TPM1: variants seen among roughly 807,000 people sequenced by gnomAD.
TPM1 encodes the protein tropomyosin 1.
In TPM1, 24 loss-of-function variants were observed where a neutral mutation model predicts 42.9. That is an observed-to-expected ratio of 0.56 (90% confidence interval 0.41 to 0.79). TPM1 has a LOEUF of 0.79. Ranked by LOEUF, TPM1 falls within the 30% of genes least tolerant of loss-of-function variation. TPM1 has a pLI of 0.00. For synonymous variants in TPM1, 136 were observed against 130.1 expected (o/e 1.05, Z -0.31); for missense variants, 158 against 351.8 (o/e 0.45, Z 4.41).
At chr15:63,061,950 A>G (rs2035695678) in intron 6 of TPM1, 162 bp downstream of exon 6, 1 of 713,962 alleles carries the variant, frequency 1.4e-6, no homozygotes, top group Non-Finnish European at 2.4e-6. Context: ...TTTTAACTAG[A>G]GAATTTATTT....
At chr15:63,057,485 T>A (rs1218202331) in intron 3 of TPM1, among the ~76,000 whole-genome samples, 1 of 152,172 alleles carries the variant, frequency 6.6e-6, no homozygotes, top group Non-Finnish European at 1.5e-5. Context: ...TGTAACTTTA[T>A]TTTATAATAT....
At chr15:63,063,797 A>C (rs1388745777) in intron 8 of TPM1, 1 of 472,820 alleles carries the variant, frequency 2.1e-6, no homozygotes, top group Admixed American at 3.7e-5. Flanking sequence ...GTTTACTGAT[A>C]TACCTACCAT....
chr15:63,067,195 G>T (rs1340625060), downstream of TPM1, among the ~76,000 whole-genome samples: 1 of 151,978 alleles, frequency 6.6e-6, no homozygotes, highest in Non-Finnish European at 1.5e-5. Flanking sequence ...AATAAATTTG[G>T]ACAAACTCAG....
At chr15:63,050,509 C>T (rs1383660632) in intron 2 of TPM1, among the ~76,000 whole-genome samples, 2 of 152,328 alleles carry the variant, frequency 1.3e-5, no homozygotes, top group East Asian at 3.9e-4. Flanking sequence ...CACATTATTA[C>T]TTTTATTCTT....
At position 63,064,133 on chromosome 15, in the gene TPM1, T is replaced by C. The variant is rs199476321; in HGVS notation, c.842T>C (p.Met281Thr). The change falls in exon 9 of 10, where the codon ATG (methionine) becomes ACG (threonine). Residue 281 changes from methionine to threonine, a missense_variant. Met to Thr is a moderately conservative substitution (Grantham distance 81). Around this residue, in one of 4 missense-constraint regions of TPM1, gnomAD observed 64 missense variants for 95.8 expected, o/e 0.67. Transcript: ENST00000403994. ...SEELDHALNDMTSI is the reference protein window; with the variant it reads ...SEELDHALNDTTSI ...GAGCTGGACCACGCTCTCAACGATA[T>C]GACTTCCATGTAAACGTTCATCCAC... 1.9e-6 allele frequency: 3 copies of C among 1,613,870 alleles called. No homozygotes were observed. The highest frequency in any genetic ancestry group is 2.7e-5 in the African/African-American group (2 of 74,942).
intron 2 of TPM1, chr15:63,048,417 C>G: frequency 7.4e-7 from 1 of 1,353,956 alleles, no homozygotes; most frequent in African/African-American, 1.6e-5. Flanking sequence ...CTGCGACTTC[C>G]GGACTGCTCC....
At chr15:63,063,944 C>A (rs1161903908) in intron 8 of TPM1, 120 bp from the exon 9 acceptor site, 3 of 1,447,096 alleles carry the variant, frequency 2.1e-6, no homozygotes, top group African/African-American at 1.4e-5. Context: ...CCAACCCCTT[C>A]ATGCATTGCC....
intron 2 of TPM1, among the ~76,000 whole-genome samples, chr15:63,055,518 A>C (rs1341461888): frequency 6.6e-6 from 1 of 152,176 alleles, no homozygotes; most frequent in East Asian, 1.9e-4. Context: ...CGTTGCTTTT[A>C]TTAAAATTAG....
At chr15:63,051,698 GTTCA>G (rs1399326090) in intron 2 of TPM1, among the ~76,000 whole-genome samples, 1 of 152,138 alleles carries the variant, frequency 6.6e-6, no homozygotes, top group Non-Finnish European at 1.5e-5. Flanking sequence ...TTCCACTCCA[GTTCA>G]GTCAGGACTT....
At position 63,066,068 on chromosome 15, in the gene TPM1, G is replaced by C; in HGVS notation, c.*169G>C. Reference sequence around the variant, plus strand: ...TATTGTACAGAAGCTCTTCGTTTCAGTGTCAAATAAACACTGTGTAAGCTA... The same window carrying C: ...TATTGTACAGAAGCTCTTCGTTTCACTGTCAAATAAACACTGTGTAAGCTA... On this transcript the variant is annotated 3_prime_UTR_variant, in exon 10 of 10. Transcript: ENST00000403994. 1 of 1,535,474 alleles carries C rather than the reference G, an allele frequency of 6.5e-7. No homozygotes were observed. The highest frequency in any genetic ancestry group is 8.7e-7 in the Non-Finnish European group (1 of 1,145,392).
Position 63,051,925 on chromosome 15 carries a change from G to A in TPM1, c.241-5060G>A, listed in dbSNP as rs1282543324. On this transcript the variant is annotated intron_variant, in intron 2 of 9. Coordinates refer to ENST00000403994, the MANE Select transcript of TPM1 (RefSeq NM_001018005.2). ...TTTTTTTTTTTCAAATCTGATTTGG[G>A]ATAATATTATACTATGGTGGGGTGG... 2.1e-5 allele frequency among the ~76,000 whole-genome samples: 3 copies of A among 143,740 alleles called. 1 individual carries two copies. The South Asian group carries it at 6.5e-4, about 31-fold the overall frequency. 94.3% of individuals were successfully genotyped at this position (143,740 alleles called of 152,430 possible). A position where few individuals can be genotyped will look rare whatever the true frequency, so the allele number is the denominator to read the frequency against.
chr15:63,064,055 T>G lies in TPM1; in HGVS notation c.773-9T>G, dbSNP rs1252170818. On this transcript the variant is annotated splice_polypyrimidine_tract_variant and intron_variant, in intron 8 of 9. Coordinates refer to ENST00000403994, the MANE Select transcript of TPM1 (RefSeq NM_001018005.2). The stretch of plus-strand genomic sequence containing the variant: ...TCTTGCACCTCTGCCTTCCACTTCC[T>G]GGTCATAGACGAGCTGTACGCTCAG... 1 of 1,613,800 alleles carries G rather than the reference T, an allele frequency of 6.2e-7. No individual in the cohort carries two copies. Among genetic ancestry groups the G allele is most frequent in the African/African-American group, 1.3e-5 (1 of 74,918 alleles).
chr15:63,059,464 C>G, intron 3 of TPM1, 99 bp from the exon 4 acceptor site: 1 of 908,084 alleles, frequency 1.1e-6, no homozygotes, highest in East Asian at 2.8e-5. Context: ...CTATTTTGGT[C>G]TACCACTTAC....
At chr15:63,061,347 C>T (rs1412669881) in intron 5 of TPM1, 3 of 1,443,764 alleles carry the variant, frequency 2.1e-6, no homozygotes, top group Admixed American at 1.7e-5. Context: ...CCTCCTGGTT[C>T]GTTTGGTATA....
intron 9 of TPM1, chr15:63,065,530 G>A (rs1482669195): frequency 2.0e-6 from 2 of 985,116 alleles, no homozygotes; most frequent in African/African-American, 1.7e-5. Context: ...GTAAATGAGG[G>A]GGTGGAGCAG....
intron 9 of TPM1, 165 bp downstream of exon 9, chr15:63,064,307 A>G (rs984856781): frequency 2.6e-6 from 4 of 1,516,076 alleles, no homozygotes; most frequent in Non-Finnish European, 2.6e-6. Flanking sequence ...CTGCTAATAT[A>G]AAGGCCAATT....
At chr15:63,067,201 C>CTCA (rs2036330382), downstream of TPM1, among the ~76,000 whole-genome samples, 2 of 152,188 alleles carry the variant, frequency 1.3e-5, no homozygotes, top group East Asian at 3.9e-4. Context: ...TTTGGACAAA[C>CTCA]TCAGAAGATA....
At chr15:63,064,527 G>A in intron 9 of TPM1, 1 of 1,079,046 alleles carries the variant, frequency 9.3e-7, no homozygotes, top group Non-Finnish European at 1.1e-6. Flanking sequence ...ATTCAACTAA[G>A]TACAACATAA....
At chr15:63,050,390 C>T (rs1260156183) in intron 2 of TPM1, among the ~76,000 whole-genome samples, 3 of 152,194 alleles carry the variant, frequency 2.0e-5, no homozygotes, top group Non-Finnish European at 4.4e-5. Flanking sequence ...AGTCTGAGGT[C>T]TCCTCACCCT....
Sources: gnomAD v4.1 joint callset for allele counts (sites outside exome capture counted in the v4.1 genomes callset) on GRCh38, gnomAD v4.1.1 for gene constraint, gnomAD v4.1.1 regional missense constraint, MANE v1.5 for transcripts, NCBI Gene and HGNC (gene_info 2026-07-23, HGNC 2026-07-21) for gene names.